Variants in GRM5 observed in about 807,000 individuals in gnomAD.
The protein encoded by GRM5 is metabotropic glutamate receptor 5.
GRM5 carries 19 observed loss-of-function variants against 83.1 expected under a neutral mutation model. The ratio of observed to expected loss-of-function variants is 0.23; its 90% CI spans 0.16 to 0.34. The LOEUF (loss-of-function observed/expected upper bound fraction) is 0.34. GRM5 is among the 10% of genes least tolerant of loss of function. The pLI, the probability that GRM5 is intolerant of heterozygous loss-of-function variation, is 1.00. For missense variants in GRM5, 1,160 were observed against 1,588.3 expected, an observed-to-expected ratio of 0.73 and a Z score of 4.58; for synonymous variants, 675 against 633.6, an observed-to-expected ratio of 1.07 and a Z score of -0.98.
intron 2 of GRM5, among the ~76,000 whole-genome samples, chr11:88,899,815 C>T (rs1293876802): frequency 1.3e-5 from 2 of 151,944 alleles, no homozygotes; most frequent in Admixed American, 6.6e-5. Context: ...ATAAATAAGG[C>T]AGTGCAAAAG....
intron 3 of GRM5, among the ~76,000 whole-genome samples, chr11:88,769,221 A>G (rs1373327607): frequency 6.6e-6 from 1 of 152,058 alleles, no homozygotes; most frequent in Non-Finnish European, 1.5e-5. Context: ...TGGCATGGTG[A>G]GGAGATGAGA....
At chr11:88,923,482 G>A (rs1031962978) in intron 2 of GRM5, among the ~76,000 whole-genome samples, 29 of 152,204 alleles carry the variant, frequency 1.9e-4, no homozygotes, top group Non-Finnish European at 3.4e-4. Context: ...CTCATTTGCA[G>A]GGGCAAAAAA....
intron 2 of GRM5, chr11:89,008,990 C>A: frequency 1.5e-6 from 1 of 650,352 alleles, no homozygotes; most frequent in Non-Finnish European, 2.8e-6. Context: ...TTACTTACAA[C>A]TAATTAGGAG....
intron 3 of GRM5, among the ~76,000 whole-genome samples, chr11:88,702,783 A>T: frequency 6.6e-6 from 1 of 152,062 alleles, no homozygotes. Flanking sequence ...TGATGTCATT[A>T]TAAGAGGAGA....
chr11:88,791,750 A>G (rs1312692088), intron 3 of GRM5, among the ~76,000 whole-genome samples: 1 of 152,170 alleles, frequency 6.6e-6, no homozygotes, highest in Non-Finnish European at 1.5e-5. Context: ...AAAGCATACA[A>G]GTTTGTGGCA....
chr11:88,916,454 G>T (rs920024132), intron 2 of GRM5, among the ~76,000 whole-genome samples: 1 of 152,080 alleles, frequency 6.6e-6, no homozygotes, highest in Non-Finnish European at 1.5e-5. Flanking sequence ...AGCCTCCAAG[G>T]AGGAAGGATT....
chr11:88,708,101 G>A (rs1024995900), intron 3 of GRM5, among the ~76,000 whole-genome samples: 1 of 152,016 alleles, frequency 6.6e-6, no homozygotes, highest in African/African-American at 2.4e-5. Context: ...TATAAATGTA[G>A]GAGCAAAATT....
intron 3 of GRM5, among the ~76,000 whole-genome samples, chr11:88,807,877 C>T (rs1943523477): frequency 6.6e-6 from 1 of 152,016 alleles, no homozygotes; most frequent in Non-Finnish European, 1.5e-5. Flanking sequence ...CAAGCTGCTT[C>T]TCATTTGCCA....
intron 3 of GRM5, among the ~76,000 whole-genome samples, chr11:88,742,795 T>G (rs1239658403): frequency 2.6e-5 from 4 of 152,096 alleles, no homozygotes; most frequent in African/African-American, 9.7e-5. Context: ...AACAAGCCCA[T>G]TTGGGAATAT....
At chr11:88,676,779 G>A (rs1940339943) in intron 3 of GRM5, among the ~76,000 whole-genome samples, 1 of 151,994 alleles carries the variant, frequency 6.6e-6, no homozygotes, top group African/African-American at 2.4e-5. Context: ...ATAAGTTAAT[G>A]CATCTTCAAA....
chr11:88,834,544 A>G (rs1486529878), intron 3 of GRM5, among the ~76,000 whole-genome samples: 2 of 152,192 alleles, frequency 1.3e-5, no homozygotes, highest in Non-Finnish European at 2.9e-5. Flanking sequence ...AAGAAACTAC[A>G]TCTATTTTCC....
intron 3 of GRM5, among the ~76,000 whole-genome samples, chr11:88,785,253 A>G (rs938954267): frequency 7.9e-5 from 12 of 152,076 alleles, no homozygotes; most frequent in Admixed American, 5.2e-4. Flanking sequence ...CTTCAAATAA[A>G]TAGTTTTGAG....
intron 7 of GRM5, among the ~76,000 whole-genome samples, chr11:88,580,697 C>T (rs1433122744): frequency 6.6e-6 from 1 of 152,120 alleles, no homozygotes; most frequent in Non-Finnish European, 1.5e-5. Flanking sequence ...ATCAGAAGGG[C>T]TATGAAGCTA....
chr11:88,847,590 A>G (rs1394018529), intron 3 of GRM5, among the ~76,000 whole-genome samples: 1 of 152,178 alleles, frequency 6.6e-6, no homozygotes. Flanking sequence ...CGTTACTTTT[A>G]AAGAAAAAAA....
chr11:88,665,956 G>T (rs1940033508), intron 3 of GRM5, among the ~76,000 whole-genome samples: 1 of 152,100 alleles, frequency 6.6e-6, no homozygotes, highest in Admixed American at 6.6e-5. Context: ...TGGGACAGAA[G>T]CACCAGGTGA....
At chr11:88,902,730 C>T (rs1344839849) in intron 2 of GRM5, among the ~76,000 whole-genome samples, 1 of 151,884 alleles carries the variant, frequency 6.6e-6, no homozygotes, top group Admixed American at 6.6e-5. Flanking sequence ...CCGAAGCAGG[C>T]GGATCATGAG....
At chr11:88,584,973 C>A (rs1386640019) in intron 7 of GRM5, among the ~76,000 whole-genome samples, 1 of 152,162 alleles carries the variant, frequency 6.6e-6, no homozygotes, top group East Asian at 1.9e-4. Context: ...ATTTGAGAAA[C>A]AGCAAGTGCA....
chr11:88,635,503 G>C (rs1208395141), intron 4 of GRM5, among the ~76,000 whole-genome samples: 1 of 152,038 alleles, frequency 6.6e-6, no homozygotes, highest in African/African-American at 2.4e-5. Flanking sequence ...CCTTAGTCCA[G>C]GTTTTAGATA....
At chr11:88,975,738 T>C (rs1252782508) in intron 2 of GRM5, among the ~76,000 whole-genome samples, 1 of 152,240 alleles carries the variant, frequency 6.6e-6, no homozygotes, top group Admixed American at 6.5e-5. Flanking sequence ...AAATGTATTA[T>C]ATAACATGTT....
Sources: allele counts gnomAD v4.1 joint callset (sites outside exome capture counted in the v4.1 genomes callset), GRCh38; gene constraint gnomAD v4.1.1; transcripts MANE v1.5; gene names NCBI Gene and HGNC (gene_info 2026-07-23, HGNC 2026-07-21).